The following CCDC74B variants were observed in gnomAD, a reference collection of about 807,000 sequenced individuals.
CCDC74B encodes the protein coiled-coil domain-containing protein 74B.
CCDC74B carries 34 observed loss-of-function variants against 38.0 expected under a neutral mutation model. The ratio of observed to expected loss-of-function variants is 0.89; its 90% CI spans 0.68 to 1.19. CCDC74B has a LOEUF of 1.19. CCDC74B is among the 50% of genes most tolerant of loss of function. The pLI is 0.00. For synonymous variants in CCDC74B, 132 were observed against 170.4 expected, an observed-to-expected ratio of 0.77 and a Z score of 1.76; for missense variants, 358 against 406.0, an observed-to-expected ratio of 0.88 and a Z score of 1.02.
chr2:130,144,428 C>A (rs1401247302), intron 1 of CCDC74B: 37 of 1,230,164 alleles, frequency 3.0e-5, no homozygotes, highest in Non-Finnish European at 4.1e-5. Context: ...CGTGAGCCGC[C>A]GCGCCCGGGC....
rs1349569820 is a variant in CCDC74B at position 130,139,605 on chromosome 2, T to C, written c.895A>G (p.Lys299Glu). 1.2e-6 allele frequency: 2 copies of C among 1,613,498 alleles called. No homozygotes were observed. Among genetic ancestry groups the C allele is most frequent in the Admixed American group, 1.7e-5 (1 of 60,010 alleles). ...CGTTTCTGCATTGCCTGCAGCCTCTTCTGCCTCTCGGCAAAGTTGTTCTTC... is the reference window on the plus strand; with the variant it reads ...CGTTTCTGCATTGCCTGCAGCCTCTCCTGCCTCTCGGCAAAGTTGTTCTTC... ...TPKNNFAERQ[K>E]RLQAMQKRRL... is the part of the protein sequence containing the mutation. Residue 299 changes from lysine (K) to glutamate (E), a missense_variant, in exon 8 of 8, where the codon AAG (lysine) becomes GAG (glutamate). Physicochemically the swap from Lys to Glu is moderately conservative, Grantham distance 56. Around this residue, in one of 3 missense-constraint regions of CCDC74B, gnomAD observed 213 missense variants for 212.3 expected, o/e 1.00. Transcript: ENST00000409943.
At chr2:130,142,596 C>T in intron 2 of CCDC74B, 1 of 1,547,208 alleles carries the variant, frequency 6.5e-7, no homozygotes. Flanking sequence ...AAGGGAGAGC[C>T]CTAGGCACTG....
intron 1 of CCDC74B, among the ~76,000 whole-genome samples, chr2:130,143,864 A>C (rs916992448): frequency 6.9e-6 from 1 of 145,334 alleles, no homozygotes; most frequent in Non-Finnish European, 1.5e-5. Flanking sequence ...AAGAGCGAGG[A>C]GCGGAGCCAC....
At position 130,143,371 on chromosome 2, in the gene CCDC74B, A is replaced by G. The variant is rs1375144871; in HGVS notation, c.251-58T>C. 2.5e-6 allele frequency: 4 copies of G among 1,610,526 alleles called. No homozygotes were observed. In the African/African-American group the frequency reaches 5.3e-5, roughly 22 times the overall value. On this transcript the variant is annotated intron_variant, in intron 1 of 7. Coordinates refer to ENST00000409943, the MANE Select transcript of CCDC74B (RefSeq NM_001258307.2). ...GTGAAACCACAGCCATTCTGAGAGAAGAAGCCTGGCCTGTCCTCTCCTGGC... is the reference window on the plus strand; with the variant it reads ...GTGAAACCACAGCCATTCTGAGAGAGGAAGCCTGGCCTGTCCTCTCCTGGC...
rs771893475 is a variant in CCDC74B at position 130,143,268 on chromosome 2, C to G, written c.295+1G>C. 4 of 1,613,834 alleles carry G rather than the reference C, an allele frequency of 2.5e-6. No homozygotes were observed. Among genetic ancestry groups the G allele is most frequent in the Non-Finnish European group, 2.5e-6 (3 of 1,179,750 alleles). ...CAGGAACTGAAGGGCCCAGTTCTCA[C>G]CTTTCTTCTGTGATGTCTGATTCAT... is the stretch of plus-strand genomic sequence containing the variant. On this transcript the variant is annotated splice_donor_variant, in intron 2 of 7. Coordinates refer to ENST00000409943, the MANE Select transcript of CCDC74B (RefSeq NM_001258307.2). LOFTEE classifies it high-confidence loss of function.
chr2:130,140,232 A>G lies in CCDC74B; in HGVS notation c.625T>C (p.Cys209Arg). Residue 209 changes from cysteine (C) to arginine (R), a missense_variant, in exon 5 of 8, where the codon TGC (cysteine) becomes CGC (arginine). By Grantham distance (180) the Cys-to-Arg change is radical (BLOSUM62 -3). Coordinates refer to ENST00000409943, the MANE Select transcript of CCDC74B (RefSeq NM_001258307.2). ...CACAGCTCGCGGATGAGCACTTCGC[A>G]CTGCCTAAGTGTGGTGGGCTTTCGC... is the stretch of plus-strand genomic sequence containing the variant. ...PLRKPTTLRQ[C>R]EVLIRELWNT... 6.2e-7 allele frequency: 1 copy of G among 1,613,358 alleles called. No homozygotes were observed. Among genetic ancestry groups the G allele is most frequent in the Admixed American group, 1.7e-5 (1 of 59,984 alleles).
At chr2:130,142,526 A>T in intron 2 of CCDC74B, 1 of 1,554,806 alleles carries the variant, frequency 6.4e-7, no homozygotes, top group Non-Finnish European at 8.7e-7. Context: ...AGCTCACTGG[A>T]GTTGCCACAG....
At position 130,140,342 on chromosome 2, in the gene CCDC74B, C is replaced by T. The variant is rs369369085; in HGVS notation, c.515G>A (p.Gly172Glu). The change falls in exon 5 of 8, where the codon GGA (glycine) becomes GAA (glutamate). Residue 172 changes from glycine to glutamate, a missense_variant. Physicochemically the swap from Gly to Glu is moderately conservative, Grantham distance 98 (BLOSUM62 -2). Coordinates refer to ENST00000409943, the MANE Select transcript of CCDC74B (RefSeq NM_001258307.2). Reference protein sequence around the residue: ...RKEKAEASNAGAACMGNSQHQ... With the variant: ...RKEKAEASNAEAACMGNSQHQ... Reference sequence around the variant, plus strand: ...CTGGCTGTTCCCCATACAGGCAGCTCCTGCGTTAGAGGCCTCTGCTTTCTC... The same window carrying T: ...CTGGCTGTTCCCCATACAGGCAGCTTCTGCGTTAGAGGCCTCTGCTTTCTC... The T allele has an allele frequency of 1.7e-5, 27 of 1,604,324 alleles. No homozygotes were observed. Among genetic ancestry groups the T allele is most frequent in the Non-Finnish European group, 6.0e-6 (7 of 1,175,670 alleles).
At chr2:130,142,708 A>G in intron 2 of CCDC74B, 1 of 1,546,976 alleles carries the variant, frequency 6.5e-7, no homozygotes, top group Non-Finnish European at 8.7e-7. Context: ...TCGAGACCAC[A>G]ACCCAGAATC....
intron 4 of CCDC74B, 113 bp from the exon 5 acceptor site, chr2:130,140,484 C>T: frequency 8.1e-7 from 1 of 1,239,872 alleles, no homozygotes; most frequent in South Asian, 1.5e-5. Context: ...GGGCCTGGTT[C>T]CCCTCTCCCA....
chr2:130,144,817 C>T lies in CCDC74B; in HGVS notation c.180G>A (p.Leu60=). The T allele has an allele frequency of 1.2e-6, 2 of 1,613,538 alleles. No homozygotes were observed. The highest frequency in any genetic ancestry group is 1.7e-6 in the Non-Finnish European group (2 of 1,179,826). ...CCAGCATCTCCGAGTGCTGCTGCTG[C>T]AGGAACTGTAGGCTCTTCTCCAGGT... ...NLDLEKSLQF[L]QQQHSEMLAK... Residue 60 remains leucine (L), a synonymous_variant, in exon 1 of 8, where the codon CTG becomes CTA. Transcript: ENST00000409943.
chr2:130,143,812 A>G (rs1270077093), intron 1 of CCDC74B, among the ~76,000 whole-genome samples: 7 of 151,518 alleles, frequency 4.6e-5, no homozygotes, highest in African/African-American at 1.7e-4. Context: ...GCGGGAGAGG[A>G]GGCCGCGGGC....
rs1236991582 is a variant in CCDC74B at position 130,144,828 on chromosome 2, G to C, written c.169C>G (p.Leu57Val). The C allele has an allele frequency of 6.2e-7, 1 of 1,613,434 alleles. No individual in the cohort carries two copies. The highest frequency in any genetic ancestry group is 1.3e-5 in the African/African-American group (1 of 74,606). ...GAGTGCTGCTGCTGCAGGAACTGTA[G>C]GCTCTTCTCCAGGTCCAGGTTCCGT... ...QKRNLDLEKS[L>V]QFLQQQHSEM... The change falls in exon 1 of 8, where the codon CTA becomes GTA. Residue 57 changes from leucine to valine, a missense_variant. This residue lies in a region of CCDC74B where 128 missense variants were observed against 146.7 expected (regional missense o/e 0.87). Coordinates refer to ENST00000409943, the MANE Select transcript of CCDC74B (RefSeq NM_001258307.2).
At chr2:130,142,518 C>G in intron 2 of CCDC74B, 1 of 1,553,778 alleles carries the variant, frequency 6.4e-7, no homozygotes. Context: ...CCCAGAACAG[C>G]TCACTGGAGT....
intron 2 of CCDC74B, chr2:130,142,902 G>A (rs762715466): frequency 6.4e-7 from 1 of 1,550,450 alleles, no homozygotes; most frequent in Non-Finnish European, 8.7e-7. Flanking sequence ...CCATAGGGCT[G>A]GAGATCCTGG....
chr2:130,144,879 G>A lies in CCDC74B; in HGVS notation c.118C>T (p.Gln40Ter), dbSNP rs770753824. 8 of 1,612,944 alleles carry A rather than the reference G, an allele frequency of 5.0e-6. No individual in the cohort carries two copies. In the Admixed American group the frequency reaches 1.2e-4, roughly 24 times the overall value. Residue 40 changes from glutamine to a stop codon, truncating the protein, a stop_gained, in exon 1 of 8, where the codon CAG becomes TAG. Coordinates refer to ENST00000409943, the MANE Select transcript of CCDC74B (RefSeq NM_001258307.2). LOFTEE classifies it high-confidence loss of function. Reference sequence around the variant, plus strand: ...TTCTGCGGGTCGCTCTGCCTGAGCTGCGGGCTCTGCGGCCTCAAGGACTGG... The same window carrying A: ...TTCTGCGGGTCGCTCTGCCTGAGCTACGGGCTCTGCGGCCTCAAGGACTGG... The part of the protein sequence containing the change: ...GVQSLRPQSP[Q>*]LRQSDPQKRN...
intron 2 of CCDC74B, chr2:130,142,888 A>G (rs966579301): frequency 5.2e-6 from 8 of 1,550,308 alleles, no homozygotes; most frequent in African/African-American, 1.4e-5. Flanking sequence ...GTCAGGACTC[A>G]GAGCCATAGG....
chr2:130,143,307 C>G lies in CCDC74B; in HGVS notation c.257G>C (p.Arg86Pro). 21 of 1,613,766 alleles carry G rather than the reference C, an allele frequency of 1.3e-5. No homozygotes were observed. Among genetic ancestry groups the G allele is most frequent in the Non-Finnish European group, 1.8e-5 (21 of 1,179,670 alleles). Residue 86 changes from arginine (R) to proline (P), a missense_variant, in exon 2 of 8, where the codon CGT becomes CCT. Around this residue, in one of 3 missense-constraint regions of CCDC74B, gnomAD observed 128 missense variants for 146.7 expected, o/e 0.87. Transcript: ENST00000409943. ...TGTCTGATTCATTATGAGCTTGTAA[C>G]GGAGATCTGAAAGCAAGCACACGCT... ...EHLKRENKDL[R>P]YKLIMNQTSQ...
chr2:130,139,336 T>G lies in CCDC74B; in HGVS notation c.*219A>C. On this transcript the variant is annotated 3_prime_UTR_variant, in exon 8 of 8. Coordinates refer to ENST00000409943, the MANE Select transcript of CCDC74B (RefSeq NM_001258307.2). The stretch of plus-strand genomic sequence containing the variant: ...CAGTTTCAACAGGTAAGGCGATACC[T>G]GCTTCATCGTGTGCTTTTATGTAAA... 1 of 603,348 alleles carries G rather than the reference T, an allele frequency of 1.7e-6. No homozygotes were observed. Among genetic ancestry groups the G allele is most frequent in the South Asian group, 2.1e-5 (1 of 47,170 alleles). The allele number at this position is 603,348 out of a possible 1,614,324, so 37.4% of individuals were successfully genotyped here.
Sources: gnomAD v4.1 joint callset for allele counts (sites outside exome capture counted in the v4.1 genomes callset) on GRCh38, gnomAD v4.1.1 for gene constraint, gnomAD v4.1.1 regional missense constraint, MANE v1.5 for transcripts, NCBI Gene and HGNC (gene_info 2026-07-23, HGNC 2026-07-21) for gene names.